Variants in ENPEP observed in about 807,000 individuals in gnomAD.
The protein encoded by ENPEP is AP-A.
In ENPEP, 103 loss-of-function variants were observed where a neutral mutation model predicts 114.5. The ratio of observed to expected loss-of-function variants is 0.90; its 90% CI spans 0.77 to 1.06. The LOEUF (loss-of-function observed/expected upper bound fraction) is 1.06, where lower values mean the gene tolerates loss of function less well. Ranked by LOEUF, ENPEP falls within the 50% of genes least tolerant of loss-of-function variation. The pLI, the probability that ENPEP is intolerant of heterozygous loss-of-function variation, is 0.00. For missense variants in ENPEP, 1,196 were observed against 1,161.3 expected (o/e 1.03, Z -0.43); for synonymous variants, 420 against 422.0 (o/e 1.00, Z 0.06).
chr4:110,508,286 AAAT>A (rs1725444694), intron 4 of ENPEP, among the ~76,000 whole-genome samples: 1 of 151,958 alleles, frequency 6.6e-6, no homozygotes, highest in African/African-American at 2.4e-5. Flanking sequence ...AAAAAAAAAA[AAAT>A]GAGATTGCAA....
chr4:110,498,925 TATTAG>T (rs1025048593), intron 3 of ENPEP, among the ~76,000 whole-genome samples: 1 of 152,216 alleles, frequency 6.6e-6, no homozygotes, highest in Non-Finnish European at 1.5e-5. Context: ...TTTCAATTAT[TATTAG>T]AGTTAAAAAC....
chr4:110,519,645 T>A, intron 8 of ENPEP: 2 of 178,808 alleles, frequency 1.1e-5, no homozygotes, highest in Non-Finnish European at 1.2e-5. Flanking sequence ...ACCACCATCA[T>A]CATCATTATT....
At chr4:110,491,313 A>G (rs1724704279) in intron 3 of ENPEP, 149 bp downstream of exon 3, 2 of 654,530 alleles carry the variant, frequency 3.1e-6, no homozygotes, top group Non-Finnish European at 4.8e-6. Flanking sequence ...TAATACATAG[A>G]AAAATGTAGG....
At position 110,476,302 on chromosome 4, in the gene ENPEP, A is replaced by G. The variant is rs1263063297; in HGVS notation, c.-113A>G. 1.4e-6 allele frequency: 2 copies of G among 1,397,210 alleles called. No homozygotes were observed. The highest frequency in any genetic ancestry group is 1.9e-6 in the Non-Finnish European group (2 of 1,039,672). 86.6% of individuals were successfully genotyped at this position (1,397,210 alleles called of 1,614,324 possible). On this transcript the variant is annotated 5_prime_UTR_variant, in exon 1 of 20. Coordinates refer to ENST00000265162, the MANE Select transcript of ENPEP (RefSeq NM_001977.4). ...CAGAGAGAGGGGTGTGGGAAAAGCG[A>G]AAACAGGCTGCCAAATCAGGGGATT...
chr4:110,496,160 GTTGT>G (rs1724928717), intron 3 of ENPEP, among the ~76,000 whole-genome samples: 1 of 152,030 alleles, frequency 6.6e-6, no homozygotes, highest in Non-Finnish European at 1.5e-5. Flanking sequence ...ATCTTAGTCC[GTTGT>G]TTGCCTGGAT....
At chr4:110,519,090 T>C in intron 8 of ENPEP, 1 of 455,790 alleles carries the variant, frequency 2.2e-6, no homozygotes, top group South Asian at 1.6e-5. Flanking sequence ...CTGGTGGTAG[T>C]GCCAAGAAGT....
chr4:110,550,170 G>GAT (rs1306322752), intron 17 of ENPEP, among the ~76,000 whole-genome samples: 2 of 151,992 alleles, frequency 1.3e-5, no homozygotes, highest in Non-Finnish European at 2.9e-5. Context: ...TTCAATGATC[G>GAT]ACATGTTGGA....
At chr4:110,511,590 G>A (rs1462655594) in intron 6 of ENPEP, among the ~76,000 whole-genome samples, 2 of 151,996 alleles carry the variant, frequency 1.3e-5, no homozygotes, top group African/African-American at 2.4e-5. Context: ...GGCCCTTATA[G>A]CAAACTGTTA....
intron 3 of ENPEP, among the ~76,000 whole-genome samples, chr4:110,491,718 CTTTT>C (rs970695793): frequency 1.5e-5 from 1 of 66,058 alleles, no homozygotes; most frequent in African/African-American, 4.4e-5. Flanking sequence ...TTCTTTCTTT[CTTTT>C]TTTTTTTTTT....
chr4:110,505,565 A>G (rs916565751), intron 3 of ENPEP, among the ~76,000 whole-genome samples: 2 of 152,246 alleles, frequency 1.3e-5, no homozygotes, highest in African/African-American at 4.8e-5. Context: ...AGTGAATACC[A>G]AAACTAGCAA....
intron 1 of ENPEP, among the ~76,000 whole-genome samples, chr4:110,486,546 C>T (rs1409968299): frequency 2.0e-5 from 3 of 152,174 alleles, no homozygotes; most frequent in Admixed American, 6.5e-5. Context: ...GGCTTTTTCT[C>T]ATTATTCAGA....
At chr4:110,502,428 C>T (rs1359896670) in intron 3 of ENPEP, among the ~76,000 whole-genome samples, 1 of 152,112 alleles carries the variant, frequency 6.6e-6, no homozygotes, top group Non-Finnish European at 1.5e-5. Flanking sequence ...ACTTTTTAAC[C>T]TGTCTTGAGT....
intron 3 of ENPEP, among the ~76,000 whole-genome samples, chr4:110,501,325 T>C (rs148853746): frequency 6.6e-6 from 1 of 152,256 alleles, no homozygotes; most frequent in East Asian, 1.9e-4. Flanking sequence ...TATGTACGGG[T>C]TTGCTATATA....
intron 6 of ENPEP, among the ~76,000 whole-genome samples, 174 bp downstream of exon 6, chr4:110,510,532 A>G (rs756351691): frequency 6.6e-6 from 1 of 151,882 alleles, no homozygotes; most frequent in Non-Finnish European, 1.5e-5. Flanking sequence ...ACCTTGCCCC[A>G]GTACCTAGAA....
chr4:110,556,289 C>T (rs1342430702), intron 18 of ENPEP, among the ~76,000 whole-genome samples: 5 of 151,786 alleles, frequency 3.3e-5, no homozygotes, highest in Non-Finnish European at 7.4e-5. Context: ...GAAATAACTC[C>T]TATTGTCATA....
chr4:110,527,800 A>G (rs1047792137), intron 10 of ENPEP, among the ~76,000 whole-genome samples: 1 of 152,222 alleles, frequency 6.6e-6, no homozygotes, highest in African/African-American at 2.4e-5. Context: ...ATTTCCCAGT[A>G]ACTGTTACTT....
chr4:110,521,187 C>T (rs1725973569), intron 10 of ENPEP, among the ~76,000 whole-genome samples: 1 of 152,086 alleles, frequency 6.6e-6, no homozygotes, highest in African/African-American at 2.4e-5. Context: ...GGCAACATAA[C>T]AAGAGCCTGT....
intron 1 of ENPEP, among the ~76,000 whole-genome samples, chr4:110,482,142 C>T (rs1483707820): frequency 6.6e-6 from 1 of 152,072 alleles, no homozygotes; most frequent in Non-Finnish European, 1.5e-5. Context: ...GTTAACTCAA[C>T]CATCCACTTG....
rs1727159140 is a variant in ENPEP at position 110,548,335 on chromosome 4, A to G, written c.2151+9A>G. ...TATATCCTATGATTGAGGTGACGTT[A>G]ATGCTATGGTATCTTATGAAAGTAA... On this transcript the variant is annotated intron_variant, in intron 14 of 19. Coordinates refer to ENST00000265162, the MANE Select transcript of ENPEP (RefSeq NM_001977.4). 6.5e-7 allele frequency: 1 copy of G among 1,549,854 alleles called. No homozygotes were observed. The highest frequency in any genetic ancestry group is 8.7e-7 in the Non-Finnish European group (1 of 1,150,608).
Sources: gnomAD v4.1 joint callset for allele counts (sites outside exome capture counted in the v4.1 genomes callset) on GRCh38, gnomAD v4.1.1 for gene constraint, MANE v1.5 for transcripts, NCBI Gene and HGNC (gene_info 2026-07-23, HGNC 2026-07-21) for gene names.